NXF3: variants seen among roughly 807,000 people sequenced by gnomAD.
NXF3 encodes the protein nuclear RNA export factor 3, also known as TAP-like protein 3.
Under a neutral mutation model 48.4 loss-of-function variants are expected in NXF3, and 34 were observed. The ratio of observed to expected loss-of-function variants is 0.70; its 90% CI spans 0.53 to 0.93. The LOEUF is 0.93. Ranked by LOEUF, NXF3 falls within the 40% of genes least tolerant of loss-of-function variation. The pLI is 0.00. For synonymous variants in NXF3, 132 were observed against 145.7 expected (o/e 0.91, Z 0.68); for missense variants, 359 against 406.1 (o/e 0.88, Z 1.00).
intron 9 of NXF3, 48 bp downstream of exon 9, chrX:103,082,207 A>G: frequency 1.1e-6 from 1 of 907,377 alleles, no homozygotes; most frequent in Non-Finnish European, 1.6e-6. Flanking sequence ...GAAGGGCGCT[A>G]TCAAACACAG....
intron 9 of NXF3, 198 bp from the exon 10 acceptor site, chrX:103,080,810 C>G (rs979736882): frequency 2.2e-6 from 1 of 446,141 alleles, no homozygotes; most frequent in African/African-American, 2.5e-5. Flanking sequence ...CCCTCTCTCA[C>G]CTTTGTCCAA....
chrX:103,091,480 G>A (rs1405807120), intron 1 of NXF3, among the ~76,000 whole-genome samples: 3 of 108,817 alleles, frequency 2.8e-5, no homozygotes, highest in Non-Finnish European at 5.7e-5. Flanking sequence ...TAGAGATAAA[G>A]TATGCAGGAG....
rs540783908 is a variant in NXF3 at position 103,083,351 on chromosome X, C to T, written c.540+47G>A. On this transcript the variant is annotated intron_variant, in intron 5 of 19. Transcript: ENST00000395065. Reference sequence around the variant, plus strand: ...GATCAAGCAAGACCTTACCCTTGCCCTGCCCTCTTGCTCGATGCTAGCCCT... The same window carrying T: ...GATCAAGCAAGACCTTACCCTTGCCTTGCCCTCTTGCTCGATGCTAGCCCT... The T allele has an allele frequency of 6.8e-6, 8 of 1,168,115 alleles. No individual in the cohort carries two copies. The Admixed American group carries it at 1.8e-4, about 26-fold the overall frequency.
chrX:103,076,404 T>C (rs776252083), intron 18 of NXF3, 103 bp from the exon 19 acceptor site: 539 of 886,405 alleles, frequency 6.1e-4, no homozygotes, highest in Non-Finnish European at 8.4e-4. Context: ...CATGTCTGTG[T>C]TTTCTGGAAT....
chrX:103,089,161 T>C, intron 1 of NXF3: 1 of 749,178 alleles, frequency 1.3e-6, no homozygotes, highest in East Asian at 3.2e-5. Context: ...CAGAAACTAT[T>C]TGAATGCTCA....
intron 1 of NXF3, chrX:103,088,188 A>C: frequency 1.0e-6 from 1 of 1,003,577 alleles, no homozygotes; most frequent in East Asian, 3.2e-5. Flanking sequence ...CAACTATAAA[A>C]CCATTGTTAA....
In NXF3 at chrX:103,093,040, T is replaced by C. The variant is rs756309118; in HGVS notation, c.-17A>G. The C allele has an allele frequency of 1.7e-5, 21 of 1,201,791 alleles. No homozygotes were observed. The highest frequency in any genetic ancestry group is 8.7e-5 in the Admixed American group (4 of 46,021). ...CAGTGACATTTTACCAATGTCCTTA[T>C]AGGGCTCTCTTGAGGAGAATCTGTG... On this transcript the variant is annotated 5_prime_UTR_variant, in exon 1 of 20. Coordinates refer to ENST00000395065, the MANE Select transcript of NXF3 (RefSeq NM_022052.2).
Position 103,080,017 on chromosome X carries a change from G to T in NXF3, c.1048C>A (p.Gln350Lys), listed in dbSNP as rs767912387. The change falls in exon 12 of 20, where the codon CAG (glutamine) becomes AAG (lysine). Residue 350 changes from glutamine to lysine, a missense_variant. Transcript: ENST00000395065. ...CAGATTCCCAGGGATACTTACTGCTGCAGGAATTGCAGGACCAGATTCTTC... is the reference window on the plus strand; with the variant it reads ...CAGATTCCCAGGGATACTTACTGCTTCAGGAATTGCAGGACCAGATTCTTC... ...MLKNLVLQFL[Q>K]QYYLIYDSGD... The T allele has an allele frequency of 9.1e-5, 110 of 1,208,935 alleles. No individual in the cohort carries two copies. Among genetic ancestry groups the T allele is most frequent in the Non-Finnish European group, 1.1e-4 (100 of 894,663 alleles).
intron 3 of NXF3, 40 bp downstream of exon 3, chrX:103,084,302 C>T: frequency 8.3e-7 from 1 of 1,201,825 alleles, no homozygotes; most frequent in Non-Finnish European, 1.1e-6. Flanking sequence ...TCCCCCTGTT[C>T]TCCTTCTGAA....
rs1922318868 is a variant in NXF3, at chrX:103,093,143, C to T, written c.-120G>A. On this transcript the variant is annotated 5_prime_UTR_variant, in exon 1 of 20. Transcript: ENST00000395065. ...GAGAGCAAGCCTCAAGCCTTGCTTACAGGAAGTTCCTTCCCCAAGCATAGA... is the reference window on the plus strand; with the variant it reads ...GAGAGCAAGCCTCAAGCCTTGCTTATAGGAAGTTCCTTCCCCAAGCATAGA... 1.5e-6 allele frequency: 1 copy of T among 652,599 alleles called. No individual in the cohort carries two copies. The highest frequency in any genetic ancestry group is 2.6e-5 in the South Asian group (1 of 38,143). The allele number at this position is 652,599 out of a possible 1,213,427, so 53.8% of individuals were successfully genotyped here.
chrX:103,082,071 C>T, intron 9 of NXF3, 184 bp downstream of exon 9: 1 of 450,325 alleles, frequency 2.2e-6, no homozygotes, highest in Non-Finnish European at 4.0e-6. Flanking sequence ...AAAAGGGGAC[C>T]ATGTCAGAGG....
intron 17 of NXF3, 44 bp downstream of exon 17, chrX:103,078,516 C>T: frequency 8.3e-7 from 1 of 1,210,655 alleles, no homozygotes; most frequent in Non-Finnish European, 1.1e-6. Flanking sequence ...ACACCACTGG[C>T]CCCAGGTTGG....
intron 1 of NXF3, among the ~76,000 whole-genome samples, chrX:103,090,097 C>T (rs1043158192): frequency 1.8e-5 from 2 of 111,496 alleles, no homozygotes; most frequent in Admixed American, 9.6e-5. Context: ...CATTCATTTG[C>T]TCATTAATTA....
chrX:103,083,110 T>A (rs1922056251), intron 6 of NXF3, 37 bp from the exon 7 acceptor site: 1 of 1,194,148 alleles, frequency 8.4e-7, no homozygotes, highest in South Asian at 1.8e-5. Flanking sequence ...GGCTCTGAAG[T>A]TGAGGTGGTG....
intron 1 of NXF3, chrX:103,087,753 CT>C: frequency 1.0e-6 from 1 of 959,733 alleles, no homozygotes; most frequent in Non-Finnish European, 1.5e-6. Context: ...GGTCAGAGGC[CT>C]TTTAAATGTC....
intron 1 of NXF3, chrX:103,088,458 T>A: frequency 3.4e-6 from 3 of 871,344 alleles, no homozygotes; most frequent in Non-Finnish European, 4.9e-6. Context: ...GGGAAAAAAA[T>A]GAAAGGTATC....
At chrX:103,087,634 C>T (rs750417651) in intron 1 of NXF3, 4 of 983,304 alleles carry the variant, frequency 4.1e-6, no homozygotes, top group South Asian at 2.0e-5. Context: ...GCTCTAAGTC[C>T]GATCCCACAT....
At chrX:103,092,453 TAGAGAAA>T (rs1457771313) in intron 1 of NXF3, among the ~76,000 whole-genome samples, 18 of 112,532 alleles carry the variant, frequency 1.6e-4, no homozygotes, top group Non-Finnish European at 3.2e-4. Flanking sequence ...TCTAAGTAAA[TAGAGAAA>T]TAGTTAAAAC....
At position 103,077,531 on chromosome X, in the gene NXF3, C is replaced by T. The variant is rs1302597040; in HGVS notation, c.1584+83G>A. The T allele has an allele frequency of 9.1e-6, 10 of 1,098,113 alleles. No homozygotes were observed. In the East Asian group the frequency reaches 2.5e-4, roughly 28 times the overall value. The allele number at this position is 1,098,113 out of a possible 1,213,427, so 90.5% of individuals were successfully genotyped here. Reference sequence around the variant, plus strand: ...CCTCCCAAAGTGCTGGGATTACAGGCGTGAGCCACCGCGCCCGGCCCAGCA... The same window carrying T: ...CCTCCCAAAGTGCTGGGATTACAGGTGTGAGCCACCGCGCCCGGCCCAGCA... On this transcript the variant is annotated intron_variant, in intron 18 of 19. Transcript: ENST00000395065.
Sources: allele counts gnomAD v4.1 joint callset (sites outside exome capture counted in the v4.1 genomes callset), GRCh38; gene constraint gnomAD v4.1.1; transcripts MANE v1.5; gene names NCBI Gene and HGNC (gene_info 2026-07-23, HGNC 2026-07-21).